Variants in OXR1 observed in about 807,000 individuals in gnomAD.
The protein encoded by OXR1 is oxidation resistance 1, also known as oxidation resistance protein 1.
A neutral mutation model predicts 104.6 loss-of-function variants in OXR1; 41 were observed. That is an observed-to-expected ratio of 0.39 (90% CI 0.31 to 0.51). The LOEUF is 0.51. Ranked by LOEUF, OXR1 falls within the 20% of genes least tolerant of loss-of-function variation. OXR1 has a pLI of 0.77. For missense variants in OXR1, 955 were observed against 1,031.9 expected, an observed-to-expected ratio of 0.93 and a Z score of 1.02; for synonymous variants, 348 against 348.4, an observed-to-expected ratio of 1.00 and a Z score of 0.01.
At chr8:106,468,462 CA>C (rs1563542025) in intron 2 of OXR1, among the ~76,000 whole-genome samples, 1 of 151,478 alleles carries the variant, frequency 6.6e-6, no homozygotes, top group Non-Finnish European at 1.5e-5. Flanking sequence ...TATTCTGGGC[CA>C]AAGGAATACA....
intron 2 of OXR1, among the ~76,000 whole-genome samples, chr8:106,393,249 G>A (rs1237329729): frequency 6.6e-6 from 1 of 152,158 alleles, no homozygotes; most frequent in Admixed American, 6.6e-5. Flanking sequence ...AGAGAAGTAA[G>A]TCAACACAAA....
chr8:106,530,587 TG>T (rs1197316044), intron 3 of OXR1, among the ~76,000 whole-genome samples: 10 of 152,270 alleles, frequency 6.6e-5, no homozygotes, highest in African/African-American at 9.6e-5. Flanking sequence ...CAGACACAAC[TG>T]GGGGGAGAAT....
intron 2 of OXR1, among the ~76,000 whole-genome samples, chr8:106,488,497 C>T (rs1361982966): frequency 1.3e-5 from 2 of 152,034 alleles, no homozygotes; most frequent in Non-Finnish European, 2.9e-5. Context: ...AAGTCCTTGC[C>T]CATGGCTATG....
intron 11 of OXR1, chr8:106,729,676 T>G (rs1171198961): frequency 6.6e-6 from 1 of 152,166 alleles, no homozygotes; most frequent in Non-Finnish European, 1.5e-5. Flanking sequence ...TTGAAAAAAG[T>G]ATACACATAT....
chr8:106,584,408 C>G (rs1818476575), intron 3 of OXR1, among the ~76,000 whole-genome samples: 1 of 151,632 alleles, frequency 6.6e-6, no homozygotes, highest in Non-Finnish European at 1.5e-5. Flanking sequence ...ATTGAAAGGG[C>G]CCAGTAGCAA....
At position 106,389,710 on chromosome 8, in the gene OXR1, C is replaced by T. The variant is rs1817519748; in HGVS notation, c.23+30074C>T. ...GATGATGTATGCCTTCAGATATTAA[C>T]TGGAAAGACAAATTTTTGGGGGTAT... On this transcript the variant is annotated intron_variant, in intron 2 of 16. Transcript: ENST00000517566. Among the ~76,000 whole-genome samples the T allele has an allele frequency of 3.3e-5, 5 of 152,112 alleles. No homozygotes were observed. The South Asian group carries it at 8.3e-4, about 25-fold the overall frequency.
intron 1 of OXR1, among the ~76,000 whole-genome samples, chr8:106,345,100 A>G (rs1299381144): frequency 6.6e-6 from 1 of 152,222 alleles, no homozygotes; most frequent in African/African-American, 2.4e-5. Context: ...CTTATGCTGC[A>G]AGATCCTTGA....
At chr8:106,363,504 C>G (rs1460181430) in intron 2 of OXR1, among the ~76,000 whole-genome samples, 1 of 150,734 alleles carries the variant, frequency 6.6e-6, no homozygotes, top group African/African-American at 2.4e-5. Flanking sequence ...TCTTATAATT[C>G]ACAGAAAACC....
rs146673217 is a variant in OXR1, at chr8:106,652,447, G to A, written c.221-26763G>A. On this transcript the variant is annotated intron_variant, in intron 3 of 16. Transcript: ENST00000517566. ...TGTTCTCTAACTACAGTAAAATTAA[G>A]TTAGAAGTCAAAAACACAAAGAAAT... 5.3e-3 allele frequency among the ~76,000 whole-genome samples: 806 copies of A among 152,160 alleles called. 8 individuals carry two copies. Among genetic ancestry groups the A allele is most frequent in the Non-Finnish European group, 5.8e-3 (393 of 67,956 alleles).
intron 2 of OXR1, among the ~76,000 whole-genome samples, chr8:106,448,534 C>T (rs1396949085): frequency 6.6e-6 from 1 of 151,756 alleles, no homozygotes; most frequent in East Asian, 1.9e-4. Flanking sequence ...TTAAAATAAT[C>T]TAAAATTACT....
At chr8:106,748,499 C>G (rs1835584295) in intron 16 of OXR1, among the ~76,000 whole-genome samples, 1 of 146,012 alleles carries the variant, frequency 6.8e-6, no homozygotes, top group Admixed American at 6.9e-5. Flanking sequence ...TTTACCTGGT[C>G]ATTGTGAATT....
chr8:106,728,624 G>A (rs535051821), intron 11 of OXR1, among the ~76,000 whole-genome samples: 23 of 152,026 alleles, frequency 1.5e-4, no homozygotes, highest in Non-Finnish European at 2.9e-4. Context: ...CTTAAGTTTT[G>A]TTATCTTTTA....
At chr8:106,705,765 A>G (rs994521867) in intron 8 of OXR1, among the ~76,000 whole-genome samples, 3 of 152,144 alleles carry the variant, frequency 2.0e-5, no homozygotes, top group African/African-American at 7.2e-5. Context: ...TTTGTCTAGT[A>G]TCTAAACTTT....
At chr8:106,305,674 G>GT (rs1294516584) in intron 1 of OXR1, among the ~76,000 whole-genome samples, 1 of 152,074 alleles carries the variant, frequency 6.6e-6, no homozygotes, top group Non-Finnish European at 1.5e-5. Flanking sequence ...TGCTTCTCAT[G>GT]TTTTTTTATC....
chr8:106,573,597 A>G (rs1438431949), intron 3 of OXR1, among the ~76,000 whole-genome samples: 1 of 152,234 alleles, frequency 6.6e-6, no homozygotes, highest in Non-Finnish European at 1.5e-5. Flanking sequence ...TATATCCATT[A>G]GTTCTTCAAA....
intron 2 of OXR1, among the ~76,000 whole-genome samples, chr8:106,379,832 C>G (rs750487991): frequency 6.6e-6 from 1 of 152,006 alleles, no homozygotes; most frequent in African/African-American, 2.4e-5. Flanking sequence ...CATGAGCTAC[C>G]AAACCCGGTC....
At chr8:106,502,428 C>T (rs1326553905) in intron 2 of OXR1, among the ~76,000 whole-genome samples, 1 of 152,186 alleles carries the variant, frequency 6.6e-6, no homozygotes, top group Non-Finnish European at 1.5e-5. Flanking sequence ...AAAGCAAATT[C>T]ATCAATTATA....
intron 2 of OXR1, among the ~76,000 whole-genome samples, chr8:106,405,141 CATATATATAT>C (rs143485889): frequency 1.6e-3 from 125 of 79,800 alleles, no homozygotes; most frequent in Middle Eastern, 8.2e-3. Context: ...TCAGAAACCA[CATATATATAT>C]ATATATATAT....
chr8:106,666,156 T>C (rs1409842195), intron 3 of OXR1, among the ~76,000 whole-genome samples: 1 of 152,224 alleles, frequency 6.6e-6, no homozygotes, highest in Non-Finnish European at 1.5e-5. Flanking sequence ...AATCCAAATA[T>C]GCAGTTATCT....
Sources: gnomAD v4.1 joint callset for allele counts (sites outside exome capture counted in the v4.1 genomes callset) on GRCh38, gnomAD v4.1.1 for gene constraint, MANE v1.5 for transcripts, NCBI Gene and HGNC (gene_info 2026-07-23, HGNC 2026-07-21) for gene names.